The following TIMM23 variants were observed in gnomAD, a reference collection of about 807,000 sequenced individuals.
TIMM23 encodes the protein mitochondrial import inner membrane translocase subunit Tim23.
In TIMM23, 19 loss-of-function variants were observed where a neutral mutation model predicts 30.7. That is an observed-to-expected ratio of 0.62 (90% CI 0.43 to 0.91). The LOEUF (loss-of-function observed/expected upper bound fraction) is 0.91, where lower values mean the gene tolerates loss of function less well. Ranked by LOEUF, TIMM23 falls within the 40% of genes least tolerant of loss-of-function variation. The pLI is 0.00. For missense variants in TIMM23, 202 were observed against 269.2 expected, an observed-to-expected ratio of 0.75 and a Z score of 1.75; for synonymous variants, 78 against 98.5, an observed-to-expected ratio of 0.79 and a Z score of 1.23.
intron 5 of TIMM23, among the ~76,000 whole-genome samples, chr10:45,985,877 G>A (rs1342028937): frequency 6.6e-6 from 1 of 152,190 alleles, no homozygotes; most frequent in Non-Finnish European, 1.5e-5. Context: ...TAGATTTCAG[G>A]CACCTAATTG....
intron 6 of TIMM23, among the ~76,000 whole-genome samples, chr10:45,989,673 C>T (rs1348968213): frequency 6.6e-6 from 1 of 152,110 alleles, no homozygotes; most frequent in Non-Finnish European, 1.5e-5. Context: ...GTGACATCAG[C>T]ATATTAAACT....
At chr10:45,988,030 A>G (rs1164012445) in intron 5 of TIMM23, among the ~76,000 whole-genome samples, 6 of 152,176 alleles carry the variant, frequency 3.9e-5, no homozygotes, top group African/African-American at 1.2e-4. Context: ...GTTGGGGTGC[A>G]CTAGCCTCCT....
intron 6 of TIMM23, among the ~76,000 whole-genome samples, chr10:45,997,010 G>A (rs1344891261): frequency 6.6e-6 from 1 of 150,956 alleles, no homozygotes; most frequent in Non-Finnish European, 1.5e-5. Flanking sequence ...GGCCAAGGCA[G>A]GCAAATGGGC....
At position 46,001,163 on chromosome 10, in the gene TIMM23, T is replaced by G. The variant is rs553132345; in HGVS notation, c.515-2040T>G. On this transcript the variant is annotated intron_variant, in intron 6 of 6. Coordinates refer to ENST00000580018, the MANE Select transcript of TIMM23 (RefSeq NM_006327.4). Reference sequence around the variant, plus strand: ...TCGATCCTTATTAAACTGAACAGATTATTTTGAGTATACACTATTTTCCAA... The same window carrying G: ...TCGATCCTTATTAAACTGAACAGATGATTTTGAGTATACACTATTTTCCAA... 6.8e-4 allele frequency among the ~76,000 whole-genome samples: 103 copies of G among 152,306 alleles called. 1 individual carries two copies. Among genetic ancestry groups the G allele is most frequent in the Non-Finnish European group, 1.2e-4 (8 of 68,020 alleles).
rs1188186836 is a variant in TIMM23, at chr10:45,982,793, G to GT, written c.260-46dup. 3.8e-5 allele frequency: 62 copies of GT among 1,612,680 alleles called. 1 individual carries two copies. In the Admixed American group the frequency reaches 4.3e-4, roughly 11 times the overall value. On this transcript the variant is annotated intron_variant, in intron 3 of 6. Transcript: ENST00000580018. ...AGTGTAGTTATGCAGATTTGAGTTT[G>GT]TTTTTTTAATATAAAGCTGTCTTTA...
intron 6 of TIMM23, among the ~76,000 whole-genome samples, chr10:45,989,920 C>T (rs1432972078): frequency 6.6e-6 from 1 of 151,990 alleles, no homozygotes; most frequent in African/African-American, 2.4e-5. Flanking sequence ...TTATTTTTAT[C>T]AAAATAATCC....
chr10:45,975,946 C>T lies in TIMM23; in HGVS notation c.165+434C>T, dbSNP rs1228669951. Among the ~76,000 whole-genome samples, 304 of 152,250 alleles carry T rather than the reference C, an allele frequency of 2.0e-3. 1 individual carries two copies. Among genetic ancestry groups the T allele is most frequent in the African/African-American group, 7.0e-3 (292 of 41,526 alleles). ...CCTCCCAAGTAGCTGGGACTACAGG[C>T]GCCCACCACCACGCCTGGCTAATTC... is the stretch of plus-strand genomic sequence containing the variant. On this transcript the variant is annotated intron_variant, in intron 2 of 6. Transcript: ENST00000580018.
chr10:45,978,046 AAAAT>A (rs1236347739), intron 2 of TIMM23, among the ~76,000 whole-genome samples: 4 of 151,626 alleles, frequency 2.6e-5, no homozygotes, highest in African/African-American at 7.3e-5. Flanking sequence ...AAAAAATAAA[AAAAT>A]AAATAAAGAA....
At chr10:45,990,445 A>T (rs1356516839) in intron 6 of TIMM23, among the ~76,000 whole-genome samples, 1 of 150,008 alleles carries the variant, frequency 6.7e-6, no homozygotes, top group Non-Finnish European at 1.5e-5. Flanking sequence ...TTTTTAAGAC[A>T]GAGTCTCACT....
chr10:45,979,373 T>C (rs1238072541), intron 2 of TIMM23, among the ~76,000 whole-genome samples: 3 of 152,180 alleles, frequency 2.0e-5, no homozygotes, highest in Non-Finnish European at 4.4e-5. Context: ...CATAGCTCAC[T>C]GTAACCTCAA....
chr10:45,977,914 C>T (rs1228071568), intron 2 of TIMM23, among the ~76,000 whole-genome samples: 2 of 151,926 alleles, frequency 1.3e-5, no homozygotes, highest in East Asian at 3.9e-4. Flanking sequence ...GCCTGTAATC[C>T]CAGCTACTTG....
intron 5 of TIMM23, 56 bp from the exon 6 acceptor site, chr10:45,988,681 C>G: frequency 3.6e-6 from 5 of 1,406,298 alleles, no homozygotes; most frequent in Non-Finnish European, 5.0e-6. Context: ...ATATGTATAT[C>G]ATAATATCAC....
rs553278344 is a variant in TIMM23, at chr10:46,003,546, G to T, written c.*228G>T. On this transcript the variant is annotated 3_prime_UTR_variant, in exon 7 of 7. Coordinates refer to ENST00000580018, the MANE Select transcript of TIMM23 (RefSeq NM_006327.4). ...GTGACTCACTGAGTACCATGGTTCT[G>T]TTCTCCTCTGGAGATCTTGCACGTA... 7.8e-5 allele frequency: 33 copies of T among 421,222 alleles called. No individual in the cohort carries two copies. The highest frequency in any genetic ancestry group is 1.4e-4 in the Non-Finnish European group (31 of 228,736). 26.1% of individuals were successfully genotyped at this position (421,222 alleles called of 1,614,324 possible).
intron 6 of TIMM23, chr10:46,002,287 T>C (rs1371054936): frequency 2.0e-5 from 3 of 152,254 alleles, no homozygotes; most frequent in African/African-American, 7.2e-5. Flanking sequence ...GCGATCCTCC[T>C]ACCTCAGCCT....
chr10:46,003,092 C>A (rs1369120069), intron 6 of TIMM23, 111 bp from the exon 7 acceptor site: 3 of 804,550 alleles, frequency 3.7e-6, no homozygotes, highest in Non-Finnish European at 6.0e-6. Context: ...GCTGGGATTA[C>A]CTGAGCCACC....
intron 2 of TIMM23, among the ~76,000 whole-genome samples, chr10:45,975,895 A>C (rs1189419409): frequency 1.5e-4 from 23 of 152,040 alleles, no homozygotes; most frequent in Non-Finnish European, 7.4e-5. Context: ...TCAGCCTCCC[A>C]AATTCAGGCC....
In TIMM23 at chr10:46,003,192, C is replaced by CT. The variant is rs781796811; in HGVS notation, c.515-10dup. Reference sequence around the variant, plus strand: ...CAGCTATTTCATTTTCCTTTTGTCTCTGTTTCCCAGGTGGTCTTCGAGGGA... The same window carrying CT: ...CAGCTATTTCATTTTCCTTTTGTCTCTTGTTTCCCAGGTGGTCTTCGAGGGA... On this transcript the variant is annotated splice_polypyrimidine_tract_variant and intron_variant, in intron 6 of 6. Transcript: ENST00000580018. 9 of 1,606,446 alleles carry CT rather than the reference C, an allele frequency of 5.6e-6. No homozygotes were observed. Among genetic ancestry groups the CT allele is most frequent in the East Asian group, 2.2e-5 (1 of 44,870 alleles).
At chr10:45,978,905 A>C (rs1255941801) in intron 2 of TIMM23, among the ~76,000 whole-genome samples, 2 of 152,252 alleles carry the variant, frequency 1.3e-5, no homozygotes, top group African/African-American at 4.8e-5. Context: ...TCCACTGATG[A>C]ATGGATAAAA....
At chr10:46,002,557 T>C in intron 6 of TIMM23, 8 of 937,056 alleles carry the variant, frequency 8.5e-6, no homozygotes, top group Non-Finnish European at 1.0e-5. Context: ...TCACCTTGTT[T>C]ACATTACAGA....
Sources: allele counts gnomAD v4.1 joint callset (sites outside exome capture counted in the v4.1 genomes callset), GRCh38; gene constraint gnomAD v4.1.1; transcripts MANE v1.5; gene names NCBI Gene and HGNC (gene_info 2026-07-23, HGNC 2026-07-21).